The following EPHA6 variants were observed in gnomAD, a reference collection of about 807,000 sequenced individuals.
The protein encoded by EPHA6 is EPH receptor A6.
Under a neutral mutation model 112.0 loss-of-function variants are expected in EPHA6, and 50 were observed. That is an observed-to-expected ratio of 0.45 (90% CI 0.36 to 0.56). The LOEUF is 0.56. Among genes scored for constraint, EPHA6 ranks in the 20% least tolerant of loss-of-function variants. The pLI is 0.00. For synonymous variants in EPHA6, 529 were observed against 490.7 expected (o/e 1.08, Z -1.03); for missense variants, 1,280 against 1,417.4 (o/e 0.90, Z 1.56).
intron 10 of EPHA6, among the ~76,000 whole-genome samples, chr3:97,529,441 A>C (rs895809917): frequency 6.6e-6 from 1 of 152,078 alleles, no homozygotes; most frequent in African/African-American, 2.4e-5. Context: ...GAAAAGAAAA[A>C]AAAGGTAATT....
intron 6 of EPHA6, among the ~76,000 whole-genome samples, chr3:97,420,503 A>G (rs541168702): frequency 1.8e-4 from 28 of 152,224 alleles, no homozygotes; most frequent in Admixed American, 1.6e-3. Flanking sequence ...TAAAAAGGAA[A>G]TAGAAAACTT....
chr3:97,064,721 T>C (rs927417171), intron 3 of EPHA6, among the ~76,000 whole-genome samples: 1 of 152,148 alleles, frequency 6.6e-6, no homozygotes, highest in African/African-American at 2.4e-5. Context: ...AAGTCGGGAG[T>C]ACTTCTGATA....
intron 6 of EPHA6, among the ~76,000 whole-genome samples, chr3:97,438,752 TAAAAG>T (rs2089984713): frequency 2.0e-5 from 3 of 152,154 alleles, no homozygotes; most frequent in African/African-American, 7.2e-5. Context: ...TAGTTACTCT[TAAAAG>T]AAAGAAACAA....
intron 13 of EPHA6, among the ~76,000 whole-genome samples, chr3:97,634,201 C>G (rs1445807750): frequency 6.6e-6 from 1 of 152,028 alleles, no homozygotes; most frequent in Non-Finnish European, 1.5e-5. Context: ...AAGATAATCA[C>G]TACGTTTACA....
chr3:97,415,916 A>C (rs945753055), intron 6 of EPHA6, among the ~76,000 whole-genome samples: 1 of 151,952 alleles, frequency 6.6e-6, no homozygotes, highest in Non-Finnish European at 1.5e-5. Context: ...ATTTTTTTTT[A>C]CTTGAGTTTT....
At chr3:96,939,390 G>A (rs566085886) in intron 2 of EPHA6, among the ~76,000 whole-genome samples, 146 of 152,282 alleles carry the variant, frequency 9.6e-4, no homozygotes, top group African/African-American at 3.4e-3. Flanking sequence ...TAGTTTATTT[G>A]CGTAGAGATG....
At chr3:97,273,965 G>A (rs1037106957) in intron 5 of EPHA6, among the ~76,000 whole-genome samples, 4 of 152,196 alleles carry the variant, frequency 2.6e-5, no homozygotes, top group Non-Finnish European at 4.4e-5. Flanking sequence ...AAATCCCCGA[G>A]CTTTATGTGT....
intron 3 of EPHA6, among the ~76,000 whole-genome samples, chr3:97,161,771 A>G (rs958898866): frequency 6.6e-6 from 1 of 152,166 alleles, no homozygotes; most frequent in African/African-American, 2.4e-5. Flanking sequence ...ATGTCTTACC[A>G]ATAAGTCTAA....
chr3:97,748,533 CTCTCTT>C lies in EPHA6; in HGVS notation c.3279-50_3279-45del. Reference sequence around the variant, plus strand: ...ATATTCTGTATCTCTCTCTCTCTCTCTCTCTTTCTTGCTCTCACTCTCGCTCTCACT... The same window carrying C: ...ATATTCTGTATCTCTCTCTCTCTCTCTCTTGCTCTCACTCTCGCTCTCACT... On this transcript the variant is annotated intron_variant, in intron 17 of 17. Transcript: ENST00000389672. 1.4e-5 allele frequency: 12 copies of C among 829,094 alleles called. No individual in the cohort carries two copies. In the South Asian group the frequency reaches 1.7e-4, roughly 12 times the overall value. The allele number at this position is 829,094 out of a possible 1,614,324, so 51.4% of individuals were successfully genotyped here.
At chr3:97,202,352 CTT>C (rs879296495) in intron 3 of EPHA6, among the ~76,000 whole-genome samples, 16 of 143,612 alleles carry the variant, frequency 1.1e-4, no homozygotes, top group East Asian at 2.0e-4. Context: ...ATATTAAAAT[CTT>C]TTTTTTTTTT....
intron 2 of EPHA6, among the ~76,000 whole-genome samples, chr3:96,939,339 G>A (rs1296608021): frequency 6.6e-6 from 1 of 152,180 alleles, no homozygotes; most frequent in African/African-American, 2.4e-5. Context: ...TCTTGGGAGG[G>A]TGTATGTGTC....
At chr3:97,351,968 G>A (rs2083838363) in intron 5 of EPHA6, among the ~76,000 whole-genome samples, 1 of 152,030 alleles carries the variant, frequency 6.6e-6, no homozygotes, top group South Asian at 2.1e-4. Flanking sequence ...CTGGAACCAT[G>A]TATAGCATGG....
intron 11 of EPHA6, among the ~76,000 whole-genome samples, chr3:97,549,761 G>C (rs1462340755): frequency 1.3e-5 from 2 of 152,050 alleles, no homozygotes; most frequent in East Asian, 3.9e-4. Context: ...AGTGAGCCGA[G>C]CATCATGCTA....
At chr3:97,612,303 A>C (rs1287148786) in intron 13 of EPHA6, 1 of 341,750 alleles carries the variant, frequency 2.9e-6, no homozygotes, top group Non-Finnish European at 5.8e-6. Context: ...ATACATATCA[A>C]AATGACTCAT....
At chr3:97,635,829 A>G (rs1422317002) in intron 13 of EPHA6, among the ~76,000 whole-genome samples, 1 of 152,188 alleles carries the variant, frequency 6.6e-6, no homozygotes, top group Non-Finnish European at 1.5e-5. Context: ...AAAGTATTAA[A>G]AAACAAATTG....
chr3:97,238,730 GAGGTAACA>G (rs1231354812), intron 4 of EPHA6, among the ~76,000 whole-genome samples: 1 of 151,800 alleles, frequency 6.6e-6, no homozygotes, highest in Non-Finnish European at 1.5e-5. Context: ...TGTCACAAAG[GAGGTAACA>G]ACTAAATCAG....
chr3:97,235,647 A>G (rs570421323), intron 4 of EPHA6, among the ~76,000 whole-genome samples: 1 of 152,238 alleles, frequency 6.6e-6, no homozygotes, highest in African/African-American at 2.4e-5. Flanking sequence ...TAAATGAACA[A>G]CAATAACAAT....
intron 2 of EPHA6, among the ~76,000 whole-genome samples, chr3:96,934,215 G>A (rs902801187): frequency 2.6e-5 from 4 of 151,910 alleles, no homozygotes; most frequent in African/African-American, 9.7e-5. Flanking sequence ...CTTTGATTGA[G>A]TAGGCCATTT....
chr3:97,524,140 T>C (rs960328427), intron 10 of EPHA6, among the ~76,000 whole-genome samples: 1 of 139,632 alleles, frequency 7.2e-6, no homozygotes, highest in African/African-American at 3.2e-5. Flanking sequence ...AATTTTTTAC[T>C]GACTTTTGTA....
Sources: allele counts gnomAD v4.1 joint callset (sites outside exome capture counted in the v4.1 genomes callset), GRCh38; gene constraint gnomAD v4.1.1; transcripts MANE v1.5; gene names NCBI Gene and HGNC (gene_info 2026-07-23, HGNC 2026-07-21).